Variants in CCNY observed in about 807,000 individuals in gnomAD.
CCNY encodes cyclin-Y.
A neutral mutation model predicts 42.8 loss-of-function variants in CCNY; 19 were observed. The ratio of observed to expected loss-of-function variants is 0.44; its 90% CI spans 0.31 to 0.65. The LOEUF is 0.65. Ranked by LOEUF, CCNY falls within the 30% of genes least tolerant of loss-of-function variation. CCNY has a pLI of 0.07. For missense variants in CCNY, 370 were observed against 437.3 expected (o/e 0.85, Z 1.37); for synonymous variants, 165 against 162.7 (o/e 1.01, Z -0.11).
At chr10:35,271,643 T>C (rs934903586) in intron 3 of CCNY, among the ~76,000 whole-genome samples, 1 of 152,128 alleles carries the variant, frequency 6.6e-6, no homozygotes, top group African/African-American at 2.4e-5. Context: ...AATCTGAGCT[T>C]CCCACTCTGC....
intron 3 of CCNY, among the ~76,000 whole-genome samples, chr10:35,322,283 G>T (rs1249050893): frequency 6.6e-6 from 1 of 151,740 alleles, no homozygotes; most frequent in Non-Finnish European, 1.5e-5. Flanking sequence ...GAACCTGGGA[G>T]GCAGAGGCTG....
At chr10:35,361,202 C>A (rs1224751377) in intron 1 of CCNY, among the ~76,000 whole-genome samples, 1 of 152,146 alleles carries the variant, frequency 6.6e-6, no homozygotes, top group African/African-American at 2.4e-5. Flanking sequence ...GTTTCATTTT[C>A]TCTCAGATAT....
chr10:35,367,809 A>G (rs1347123838), intron 1 of CCNY, among the ~76,000 whole-genome samples: 1 of 152,228 alleles, frequency 6.6e-6, no homozygotes, highest in Non-Finnish European at 1.5e-5. Context: ...GCATGTCTGA[A>G]TTACTGGATG....
chr10:35,327,420 T>C (rs563039198), intron 3 of CCNY, among the ~76,000 whole-genome samples: 1 of 152,312 alleles, frequency 6.6e-6, no homozygotes, highest in Admixed American at 6.5e-5. Flanking sequence ...GGTTGCATTG[T>C]TTTTCACTAT....
In CCNY at chr10:35,318,857, C is replaced by T. The variant is rs899019501; in HGVS notation, c.-9+68231C>T. On this transcript the variant is annotated intron_variant, in intron 3 of 11. Transcript: ENST00000374706. ...GGAAGGAAATAATAAATACAAGACC[C>T]TCCCCTCCCCTCCCCTTCCCTTGAG... Among the ~76,000 whole-genome samples, 3 of 152,032 alleles carry T rather than the reference C, an allele frequency of 2.0e-5. No homozygotes were observed. The East Asian group carries it at 5.8e-4, about 29-fold the overall frequency.
intron 9 of CCNY, among the ~76,000 whole-genome samples, chr10:35,567,519 G>C (rs989119780): frequency 2.6e-5 from 4 of 152,164 alleles, no homozygotes; most frequent in African/African-American, 9.7e-5. Context: ...GTGTTTCCGA[G>C]TGGTGGATGG....
intron 3 of CCNY, among the ~76,000 whole-genome samples, chr10:35,319,907 G>A (rs189831518): frequency 3.4e-4 from 52 of 152,034 alleles, no homozygotes; most frequent in African/African-American, 1.2e-3. Flanking sequence ...CTGAGATCGC[G>A]CCATTGCACT....
intron 7 of CCNY, among the ~76,000 whole-genome samples, chr10:35,531,056 G>A (rs551073401): frequency 1.3e-5 from 2 of 152,242 alleles, no homozygotes; most frequent in Non-Finnish European, 2.9e-5. Context: ...GGGGCAGAGC[G>A]AGACCCTGTC....
At chr10:35,447,134 G>A (rs975038736) in intron 1 of CCNY, among the ~76,000 whole-genome samples, 16 of 152,168 alleles carry the variant, frequency 1.1e-4, no homozygotes, top group African/African-American at 2.7e-4. Flanking sequence ...AAAATTAGCC[G>A]GATGTGGTGG....
intron 1 of CCNY, among the ~76,000 whole-genome samples, chr10:35,345,198 A>G (rs1836274408): frequency 6.6e-6 from 1 of 152,216 alleles, no homozygotes; most frequent in Non-Finnish European, 1.5e-5. Flanking sequence ...CCAACAGTGT[A>G]AAAATGTTCC....
At chr10:35,500,098 G>A (rs560062820) in intron 2 of CCNY, among the ~76,000 whole-genome samples, 1 of 152,332 alleles carries the variant, frequency 6.6e-6, no homozygotes, top group East Asian at 1.9e-4. Flanking sequence ...GTTTGTTGCT[G>A]CTGTCTGTGC....
intron 4 of CCNY, among the ~76,000 whole-genome samples, chr10:35,522,443 C>T (rs551758539): frequency 6.6e-6 from 1 of 152,318 alleles, no homozygotes; most frequent in East Asian, 1.9e-4. Flanking sequence ...TGGGGAGAAA[C>T]ATTCTCCTGG....
intron 3 of CCNY, among the ~76,000 whole-genome samples, chr10:35,277,668 A>G (rs1835254154): frequency 6.6e-6 from 1 of 152,050 alleles, no homozygotes; most frequent in Non-Finnish European, 1.5e-5. Flanking sequence ...TGTCTCTCTC[A>G]GTCTCTAGCA....
intron 1 of CCNY, among the ~76,000 whole-genome samples, chr10:35,440,938 A>G (rs1353970135): frequency 6.6e-6 from 1 of 152,252 alleles, no homozygotes; most frequent in African/African-American, 2.4e-5. Context: ...TGTTTTAACA[A>G]GTGTACCTGG....
chr10:35,490,448 C>G (rs1055576478), intron 2 of CCNY, among the ~76,000 whole-genome samples: 3 of 152,244 alleles, frequency 2.0e-5, no homozygotes, highest in Non-Finnish European at 2.9e-5. Flanking sequence ...TGCTTCTGAT[C>G]ATAAATGGCC....
At chr10:35,452,804 A>G (rs1336344123) in intron 1 of CCNY, among the ~76,000 whole-genome samples, 1 of 150,354 alleles carries the variant, frequency 6.7e-6, no homozygotes, top group East Asian at 1.9e-4. Context: ...GAAAAAAGCT[A>G]TTGTGCTTGT....
At chr10:35,497,949 C>A (rs1840034310) in intron 2 of CCNY, among the ~76,000 whole-genome samples, 1 of 152,034 alleles carries the variant, frequency 6.6e-6, no homozygotes, top group Non-Finnish European at 1.5e-5. Flanking sequence ...CTCTGCATGG[C>A]AGAGGGACAC....
chr10:35,494,370 A>G (rs1839966190), intron 2 of CCNY, among the ~76,000 whole-genome samples: 1 of 152,122 alleles, frequency 6.6e-6, no homozygotes, highest in Admixed American at 6.6e-5. Context: ...GCAGCTCATT[A>G]TATTAGAATA....
intron 7 of CCNY, among the ~76,000 whole-genome samples, chr10:35,538,860 C>T (rs761467157): frequency 6.6e-6 from 1 of 152,134 alleles, no homozygotes; most frequent in African/African-American, 2.4e-5. Flanking sequence ...ATTGCATAAC[C>T]CATGGTCATG....
Sources: gnomAD v4.1 joint callset for allele counts (sites outside exome capture counted in the v4.1 genomes callset) on GRCh38, gnomAD v4.1.1 for gene constraint, MANE v1.5 for transcripts, NCBI Gene and HGNC (gene_info 2026-07-23, HGNC 2026-07-21) for gene names.